TMEM116: variants seen among roughly 807,000 people sequenced by gnomAD.
TMEM116 encodes transmembrane protein 116.
TMEM116 carries 38 observed loss-of-function variants against 44.3 expected under a neutral mutation model. That is an observed-to-expected ratio of 0.86 (90% CI 0.66 to 1.12). The LOEUF is 1.12. Among genes scored for constraint, TMEM116 ranks in the 50% most tolerant of loss-of-function variants. The pLI is 0.00. For missense variants in TMEM116, 354 were observed against 401.7 expected, an observed-to-expected ratio of 0.88 and a Z score of 1.01; for synonymous variants, 132 against 144.8, an observed-to-expected ratio of 0.91 and a Z score of 0.64.
intron 4 of TMEM116, among the ~76,000 whole-genome samples, chr12:111,951,482 A>G (rs1026679753): frequency 6.6e-6 from 1 of 152,262 alleles, no homozygotes; most frequent in Non-Finnish European, 1.5e-5. Context: ...AATACCATAC[A>G]GTCATAAAAA....
chr12:111,952,026 C>T (rs557440668), intron 4 of TMEM116, among the ~76,000 whole-genome samples: 1 of 152,014 alleles, frequency 6.6e-6, no homozygotes, highest in African/African-American at 2.4e-5. Flanking sequence ...GTCAGGAGAT[C>T]GAGACCATGT....
Position 111,991,792 on chromosome 12 carries a change from T to C in TMEM116, c.176A>G (p.Asp59Gly). 2 of 1,535,656 alleles carry C rather than the reference T, an allele frequency of 1.3e-6. No homozygotes were observed. Among genetic ancestry groups the C allele is most frequent in the Non-Finnish European group, 8.7e-7 (1 of 1,146,526 alleles). The change falls in exon 4 of 11, where the codon GAC becomes GGC. Residue 59 changes from aspartate to glycine, a missense_variant. Coordinates refer to ENST00000552374, the MANE Select transcript of TMEM116 (RefSeq NM_001193531.2). The part of the protein sequence containing the change: ...LLYGASVANK[D>G]IICYNLQAVG... ...TGCTTGTAGGTTATAGCAGATGATG[T>C]CCTTATTTGCTACTGAAGCTCCATA...
At chr12:112,000,605 C>A in intron 3 of TMEM116, 2 of 333,636 alleles carry the variant, frequency 6.0e-6, no homozygotes, top group South Asian at 2.5e-5. Flanking sequence ...TGGCTTACTG[C>A]AGTCTTACTT....
At chr12:111,992,947 A>G (rs1485503464) in intron 3 of TMEM116, 1 of 152,848 alleles carries the variant, frequency 6.5e-6, no homozygotes, top group African/African-American at 2.4e-5. Context: ...CCTGTGAGCC[A>G]CAATCCAAGG....
chr12:111,936,848 A>G lies in TMEM116; in HGVS notation c.450-18T>C. The G allele has an allele frequency of 3.8e-6, 6 of 1,577,280 alleles. No homozygotes were observed. The highest frequency in any genetic ancestry group is 2.4e-5 in the South Asian group (2 of 83,290). ...AGATACACCTAGGAAGAAAATCAATAAACAGGAGTACTACTACAGATGTAA... is the reference window on the plus strand; with the variant it reads ...AGATACACCTAGGAAGAAAATCAATGAACAGGAGTACTACTACAGATGTAA... On this transcript the variant is annotated intron_variant, in intron 7 of 10. Coordinates refer to ENST00000552374, the MANE Select transcript of TMEM116 (RefSeq NM_001193531.2).
chr12:111,991,478 C>T (rs1209088604), intron 4 of TMEM116, among the ~76,000 whole-genome samples: 1 of 149,074 alleles, frequency 6.7e-6, no homozygotes, highest in Non-Finnish European at 1.5e-5. Context: ...GAGCCGAGAT[C>T]GCACCACTGT....
At chr12:111,964,128 T>A in intron 4 of TMEM116, among the ~76,000 whole-genome samples, 1 of 148,806 alleles carries the variant, frequency 6.7e-6, no homozygotes, top group African/African-American at 2.5e-5. Flanking sequence ...ATCACCTGAA[T>A]TTCAGGTTAA....
chr12:111,947,758 A>C (rs776238225), intron 4 of TMEM116, among the ~76,000 whole-genome samples: 13 of 152,226 alleles, frequency 8.5e-5, no homozygotes, highest in Non-Finnish European at 1.2e-4. Context: ...TCTTAAATAC[A>C]AATTTCTAAT....
rs1320429052 is a variant in TMEM116, at chr12:111,969,582, GTTGT to G, written c.210+22172_210+22175del. ...ACCATCATACCCGGCTAATTTTTCT[GTTGT>G]TTTTTTTTTGAAATGGAGTCTCGCT... On this transcript the variant is annotated intron_variant, in intron 4 of 10. Coordinates refer to ENST00000552374, the MANE Select transcript of TMEM116 (RefSeq NM_001193531.2). Among the ~76,000 whole-genome samples the G allele has an allele frequency of 7.3e-5, 11 of 150,768 alleles. 1 individual carries two copies. In the East Asian group the frequency reaches 1.8e-3, roughly 24 times the overall value.
At chr12:111,978,316 G>A (rs919529804) in intron 4 of TMEM116, among the ~76,000 whole-genome samples, 1 of 151,904 alleles carries the variant, frequency 6.6e-6, no homozygotes, top group South Asian at 2.1e-4. Flanking sequence ...CAGGAGAATC[G>A]CTTGAACCTG....
intron 4 of TMEM116, among the ~76,000 whole-genome samples, chr12:111,984,997 A>G (rs1015557668): frequency 1.3e-5 from 2 of 152,178 alleles, no homozygotes; most frequent in Non-Finnish European, 2.9e-5. Flanking sequence ...TGAAAAGCCC[A>G]GAATCTTTTA....
chr12:112,012,270 T>C (rs894503982), intron 1 of TMEM116: 3 of 152,216 alleles, frequency 2.0e-5, no homozygotes, highest in South Asian at 2.1e-4. Flanking sequence ...TCTGTCTCTT[T>C]ACAATAAGAA....
At chr12:111,937,274 T>C in intron 6 of TMEM116, 31 bp from the exon 7 acceptor site, 2 of 1,553,508 alleles carry the variant, frequency 1.3e-6, no homozygotes, top group Non-Finnish European at 8.9e-7. Context: ...CACCCTAATA[T>C]CCACTCTTTT....
intron 3 of TMEM116, among the ~76,000 whole-genome samples, chr12:111,992,169 T>C (rs2136629517): frequency 6.6e-6 from 1 of 152,034 alleles, no homozygotes; most frequent in Admixed American, 6.5e-5. Context: ...TTCTTAGGTA[T>C]AGGGTTAAAA....
chr12:111,957,528 G>A lies in TMEM116; in HGVS notation c.211-14159C>T, dbSNP rs577267333. 1.5e-4 allele frequency among the ~76,000 whole-genome samples: 23 copies of A among 151,152 alleles called. 2 individuals carry two copies. In the East Asian group the frequency reaches 2.2e-3, roughly 14 times the overall value. On this transcript the variant is annotated intron_variant, in intron 4 of 10. Transcript: ENST00000552374. ...GCCCCCCTGGCCAGCCGCCCCGTCC[G>A]GGAGGTGGGGGGCAGCCCCCGCCCA...
intron 4 of TMEM116, among the ~76,000 whole-genome samples, chr12:111,950,852 A>C (rs947587674): frequency 6.6e-6 from 1 of 152,214 alleles, no homozygotes. Flanking sequence ...TAAACTAAAG[A>C]GCTTCTGCAC....
chr12:111,965,880 G>A (rs1271597961), intron 4 of TMEM116: 1 of 208,134 alleles, frequency 4.8e-6, no homozygotes, highest in African/African-American at 2.4e-5. Context: ...AGGTTGCAAT[G>A]AGCTGAGATC....
At chr12:112,001,238 CCAGAAAGTCACCTTGGA>C (rs2077235020) in intron 3 of TMEM116, among the ~76,000 whole-genome samples, 1 of 152,178 alleles carries the variant, frequency 6.6e-6, no homozygotes, top group South Asian at 2.1e-4. Flanking sequence ...CACTGTTATG[CCAGAAAGTCACCTTGGA>C]CAGTAGTTTT....
intron 4 of TMEM116, among the ~76,000 whole-genome samples, chr12:111,946,053 C>T (rs2073245926): frequency 6.6e-6 from 1 of 152,224 alleles, no homozygotes; most frequent in African/African-American, 2.4e-5. Context: ...AAATTTTCAA[C>T]CATCTCCTAA....
Sources: allele counts gnomAD v4.1 joint callset (sites outside exome capture counted in the v4.1 genomes callset), GRCh38; gene constraint gnomAD v4.1.1; transcripts MANE v1.5; gene names NCBI Gene and HGNC (gene_info 2026-07-23, HGNC 2026-07-21).